The following NRP1 variants were observed in gnomAD, a reference collection of about 807,000 sequenced individuals.
NRP1 encodes the protein neuropilin-1.
NRP1 carries 35 observed loss-of-function variants against 106.7 expected under a neutral mutation model. That is an observed-to-expected ratio of 0.33 (90% CI 0.25 to 0.43). The LOEUF is 0.43. Among genes scored for constraint, NRP1 ranks in the 20% least tolerant of loss-of-function variants. NRP1 has a pLI of 1.00. For synonymous variants in NRP1, 437 were observed against 417.9 expected, an observed-to-expected ratio of 1.05 and a Z score of -0.56; for missense variants, 1,024 against 1,170.4, an observed-to-expected ratio of 0.87 and a Z score of 1.83.
intron 2 of NRP1, among the ~76,000 whole-genome samples, chr10:33,330,098 A>G (rs1244088030): frequency 2.0e-5 from 3 of 152,230 alleles, no homozygotes; most frequent in Non-Finnish European, 2.9e-5. Context: ...TCGTGTCTTA[A>G]CAATTATTTT....
intron 2 of NRP1, among the ~76,000 whole-genome samples, chr10:33,293,420 A>T (rs1845144379): frequency 6.6e-6 from 1 of 152,210 alleles, no homozygotes; most frequent in Non-Finnish European, 1.5e-5. Context: ...TCATGAATTC[A>T]GTCACATACA....
At chr10:33,193,373 C>T (rs1247442875) in intron 12 of NRP1, among the ~76,000 whole-genome samples, 1 of 152,148 alleles carries the variant, frequency 6.6e-6, no homozygotes, top group East Asian at 1.9e-4. Flanking sequence ...TTTTGGTAAA[C>T]ATAAGCTAAC....
intron 12 of NRP1, among the ~76,000 whole-genome samples, chr10:33,193,027 CT>C (rs2132634393): frequency 6.6e-6 from 1 of 152,088 alleles, no homozygotes; most frequent in South Asian, 2.1e-4. Flanking sequence ...TAAATTTCTG[CT>C]TTTTTAATTT....
intron 3 of NRP1, among the ~76,000 whole-genome samples, chr10:33,266,948 C>G (rs922713844): frequency 2.6e-5 from 4 of 152,102 alleles, no homozygotes; most frequent in African/African-American, 9.7e-5. Context: ...AGGAGAATGG[C>G]GTGAACCCGG....
chr10:33,205,272 G>A (rs1362218452), intron 10 of NRP1, among the ~76,000 whole-genome samples: 1 of 152,090 alleles, frequency 6.6e-6, no homozygotes, highest in Non-Finnish European at 1.5e-5. Flanking sequence ...TTTCACATAC[G>A]GCCCAGGGCA....
At position 33,180,264 on chromosome 10, in the gene NRP1, T is replaced by C. The variant is rs763234318; in HGVS notation, c.2584A>G (p.Ile862Val). ...KTLDPILITIIAMSALGVLLG... is the reference protein window; with the variant it reads ...KTLDPILITIVAMSALGVLLG... ...AGGACCCCCAGGGCACTCATGGCTA[T>C]GATGGTGATGAGGATGGGGTCTAAG... The change falls in exon 17 of 17, where the codon ATA becomes GTA. Residue 862 changes from isoleucine (I) to valine (V), a missense_variant. By Grantham distance (29) the Ile-to-Val change is conservative. Coordinates refer to ENST00000374867, the MANE Select transcript of NRP1 (RefSeq NM_003873.7). 2.1e-5 allele frequency: 34 copies of C among 1,614,006 alleles called. No individual in the cohort carries two copies. Among genetic ancestry groups the C allele is most frequent in the Non-Finnish European group, 2.7e-5 (32 of 1,180,010 alleles).
chr10:33,254,259 T>C (rs978864405), intron 5 of NRP1, 65 bp from the exon 6 acceptor site: 1 of 1,409,468 alleles, frequency 7.1e-7, no homozygotes, highest in South Asian at 1.4e-5. Context: ...TTTTTCTTTT[T>C]TAACTTGATA....
intron 11 of NRP1, chr10:33,202,405 CAAT>C (rs1837389073): frequency 2.2e-6 from 1 of 445,404 alleles, no homozygotes; most frequent in Non-Finnish European, 3.9e-6. Flanking sequence ...TGTTAATGTA[CAAT>C]GATTTACCAA....
At chr10:33,230,063 A>C (rs1341503993) in intron 6 of NRP1, among the ~76,000 whole-genome samples, 1 of 148,452 alleles carries the variant, frequency 6.7e-6, no homozygotes, top group African/African-American at 2.5e-5. Context: ...AGTACCCAGA[A>C]CTCTAACAAC....
At chr10:33,251,449 A>G (rs756867191) in intron 6 of NRP1, among the ~76,000 whole-genome samples, 22 of 152,206 alleles carry the variant, frequency 1.4e-4, no homozygotes, top group Non-Finnish European at 2.2e-4. Flanking sequence ...CTGTCCCCCA[A>G]GTCTGGGTCC....
intron 2 of NRP1, among the ~76,000 whole-genome samples, chr10:33,276,823 A>T (rs1843731333): frequency 6.6e-6 from 1 of 152,210 alleles, no homozygotes; most frequent in African/African-American, 2.4e-5. Context: ...GTGGACAAAG[A>T]TTTATTGAAA....
chr10:33,249,084 G>GTTT (rs750905931), intron 6 of NRP1, among the ~76,000 whole-genome samples: 11,488 of 72,140 alleles, frequency 0.16, 2,324 homozygotes, highest in East Asian at 0.39. Flanking sequence ...TATGTCTCTT[G>GTTT]TTTTTTTTTT....
At chr10:33,249,415 T>C (rs1461591875) in intron 6 of NRP1, 3 of 516,700 alleles carry the variant, frequency 5.8e-6, no homozygotes, top group South Asian at 1.5e-5. Context: ...CTGAATGGAG[T>C]GAAGGCTACG....
intron 1 of NRP1, 46 bp downstream of exon 1, chr10:33,334,263 TG>T: frequency 6.6e-7 from 1 of 1,517,844 alleles, no homozygotes; most frequent in Non-Finnish European, 8.9e-7. Flanking sequence ...GGCGGGCAGC[TG>T]GGAGCCGGGG....
Position 33,272,350 on chromosome 10 carries a change from A to G in NRP1, c.249-1494T>C, listed in dbSNP as rs537205524. ...TTGTATTAACTGCATTTCCTCTGCT[A>G]CATATGATGCTTCCAGTAGTAGATA... On this transcript the variant is annotated intron_variant, in intron 2 of 16. Transcript: ENST00000374867. 2.0e-5 allele frequency among the ~76,000 whole-genome samples: 3 copies of G among 152,362 alleles called. No individual in the cohort carries two copies. The South Asian group carries it at 6.2e-4, about 32-fold the overall frequency.
intron 6 of NRP1, among the ~76,000 whole-genome samples, chr10:33,240,046 C>A (rs1325213049): frequency 1.3e-5 from 2 of 152,170 alleles, no homozygotes; most frequent in African/African-American, 2.4e-5. Flanking sequence ...TGAATATAGA[C>A]TTCAGGCCTT....
At chr10:33,268,187 A>G (rs2133278814) in intron 3 of NRP1, among the ~76,000 whole-genome samples, 1 of 152,324 alleles carries the variant, frequency 6.6e-6, no homozygotes, top group South Asian at 2.1e-4. Context: ...TAAATGAATT[A>G]TATTAATGAT....
chr10:33,327,212 T>C (rs1165862992), intron 2 of NRP1, among the ~76,000 whole-genome samples: 1 of 152,176 alleles, frequency 6.6e-6, no homozygotes, highest in Non-Finnish European at 1.5e-5. Context: ...AGTTTTGACG[T>C]ATGTTTAGTT....
chr10:33,257,548 C>A (rs566974494), intron 4 of NRP1, among the ~76,000 whole-genome samples: 1 of 152,204 alleles, frequency 6.6e-6, no homozygotes, highest in African/African-American at 2.4e-5. Flanking sequence ...GAGGCAAGAC[C>A]CAGGAGGTGG....
Sources: gnomAD v4.1 joint callset for allele counts (sites outside exome capture counted in the v4.1 genomes callset) on GRCh38, gnomAD v4.1.1 for gene constraint, MANE v1.5 for transcripts, NCBI Gene and HGNC (gene_info 2026-07-23, HGNC 2026-07-21) for gene names.